Variants in ROBO1 observed in about 807,000 individuals in gnomAD.
ROBO1 encodes the protein roundabout homolog 1.
In ROBO1, 149 loss-of-function variants were observed where a neutral mutation model predicts 195.9. That is an observed-to-expected ratio of 0.76 (90% CI 0.67 to 0.87). ROBO1 has a LOEUF of 0.87. ROBO1 is among the 40% of genes least tolerant of loss of function. ROBO1 has a pLI of 0.00. For missense variants in ROBO1, 1,933 were observed against 2,068.3 expected, an observed-to-expected ratio of 0.93 and a Z score of 1.27; for synonymous variants, 816 against 733.2, an observed-to-expected ratio of 1.11 and a Z score of -1.82.
chr3:79,025,002 T>C (rs1298851871), intron 3 of ROBO1, among the ~76,000 whole-genome samples: 1 of 152,012 alleles, frequency 6.6e-6, no homozygotes, highest in Non-Finnish European at 1.5e-5. Context: ...TTACTTTAAG[T>C]GAGATCCCAT....
chr3:79,692,060 G>C (rs9859976), intron 1 of ROBO1, among the ~76,000 whole-genome samples: 1 of 151,650 alleles, frequency 6.6e-6, no homozygotes, highest in African/African-American at 2.4e-5. Context: ...TGGTAGACAG[G>C]ACTATAAAGC....
chr3:79,518,180 A>G (rs1941035155), intron 2 of ROBO1, among the ~76,000 whole-genome samples: 2 of 152,214 alleles, frequency 1.3e-5, no homozygotes, highest in South Asian at 4.1e-4. Context: ...CTACAAAAGT[A>G]TGCTAATTTT....
chr3:78,609,346 T>C (rs1348567155), intron 28 of ROBO1, among the ~76,000 whole-genome samples: 2 of 152,168 alleles, frequency 1.3e-5, no homozygotes, highest in African/African-American at 4.8e-5. Context: ...ATTCCTGAAG[T>C]TGTTTATAAA....
intron 5 of ROBO1, among the ~76,000 whole-genome samples, chr3:78,728,035 C>A (rs2082204958): frequency 6.6e-6 from 1 of 152,124 alleles, no homozygotes; most frequent in Non-Finnish European, 1.5e-5. Context: ...CAATAAACCT[C>A]AGCCAAATCA....
intron 3 of ROBO1, among the ~76,000 whole-genome samples, chr3:79,111,216 A>T (rs761928843): frequency 7.2e-5 from 11 of 152,184 alleles, no homozygotes; most frequent in Non-Finnish European, 1.5e-4. Flanking sequence ...TAATAGCCAT[A>T]GGGCTATTGT....
chr3:79,679,451 G>C (rs1946879480), intron 1 of ROBO1, among the ~76,000 whole-genome samples: 1 of 151,722 alleles, frequency 6.6e-6, no homozygotes, highest in Non-Finnish European at 1.5e-5. Context: ...AATATGTCAG[G>C]GAACAATTAC....
At chr3:79,715,932 A>C (rs2107262243) in intron 1 of ROBO1, among the ~76,000 whole-genome samples, 1 of 152,120 alleles carries the variant, frequency 6.6e-6, no homozygotes, top group South Asian at 2.1e-4. Context: ...AATGAAAATA[A>C]CTCTAAAATA....
chr3:79,072,424 C>T (rs935075093), intron 3 of ROBO1, among the ~76,000 whole-genome samples: 3 of 151,676 alleles, frequency 2.0e-5, no homozygotes, highest in African/African-American at 7.3e-5. Context: ...TGAAAAAAAC[C>T]AAATAATATA....
intron 2 of ROBO1, among the ~76,000 whole-genome samples, chr3:79,273,674 C>G (rs2030772479): frequency 6.6e-6 from 1 of 151,014 alleles, no homozygotes; most frequent in Non-Finnish European, 1.5e-5. Context: ...TCAATAATAA[C>G]ATTGAATGTA....
chr3:79,653,790 C>T (rs1046657570), intron 1 of ROBO1, among the ~76,000 whole-genome samples: 4 of 151,784 alleles, frequency 2.6e-5, no homozygotes, highest in Admixed American at 1.3e-4. Flanking sequence ...CTAATGTTGA[C>T]GCAAATGAAA....
chr3:79,574,979 A>G (rs935610293), intron 2 of ROBO1, among the ~76,000 whole-genome samples: 13 of 150,804 alleles, frequency 8.6e-5, no homozygotes, highest in African/African-American at 3.1e-4. Flanking sequence ...CTCTTGGCCA[A>G]TTCTAGTAAA....
intron 4 of ROBO1, among the ~76,000 whole-genome samples, chr3:78,780,793 C>G (rs1184859864): frequency 6.6e-6 from 1 of 152,128 alleles, no homozygotes; most frequent in African/African-American, 2.4e-5. Context: ...CCTCCCTTAT[C>G]TCCAGCTGTT....
At chr3:79,678,690 T>C (rs1231817412) in intron 1 of ROBO1, among the ~76,000 whole-genome samples, 1 of 152,100 alleles carries the variant, frequency 6.6e-6, no homozygotes, top group Non-Finnish European at 1.5e-5. Flanking sequence ...AGTAGTTTGA[T>C]AATGTTACAA....
chr3:78,878,597 A>AC (rs1405235796), intron 4 of ROBO1, among the ~76,000 whole-genome samples: 2 of 151,184 alleles, frequency 1.3e-5, no homozygotes, highest in Non-Finnish European at 3.0e-5. Flanking sequence ...AAAAAAAAAA[A>AC]AAAAAAAAAA....
intron 3 of ROBO1, among the ~76,000 whole-genome samples, chr3:79,108,159 T>C (rs750341716): frequency 3.3e-5 from 5 of 151,714 alleles, no homozygotes; most frequent in Non-Finnish European, 5.9e-5. Context: ...AAGTTACTGA[T>C]TTTGATCAAC....
At chr3:79,063,381 CTT>C in intron 3 of ROBO1, among the ~76,000 whole-genome samples, 1 of 151,816 alleles carries the variant, frequency 6.6e-6, no homozygotes, top group Non-Finnish European at 1.5e-5. Context: ...GTTGTTTCAT[CTT>C]AAAAAGACAA....
chr3:79,022,932 A>G (rs371598100), intron 3 of ROBO1, among the ~76,000 whole-genome samples: 2 of 152,258 alleles, frequency 1.3e-5, no homozygotes, highest in South Asian at 4.1e-4. Flanking sequence ...TCCAATGATT[A>G]TATCTTTCAT....
chr3:79,339,811 G>A (rs1296724765), intron 2 of ROBO1, among the ~76,000 whole-genome samples: 3 of 152,148 alleles, frequency 2.0e-5, no homozygotes, highest in African/African-American at 7.2e-5. Flanking sequence ...TTTGTTATTA[G>A]TGAATACATA....
intron 2 of ROBO1, among the ~76,000 whole-genome samples, chr3:79,417,164 T>A (rs552174193): frequency 5.9e-5 from 9 of 151,934 alleles, no homozygotes; most frequent in African/African-American, 1.9e-4. Context: ...GAGAAGGGGG[T>A]GGAAATGATG....
Sources: gnomAD v4.1 joint callset for allele counts (sites outside exome capture counted in the v4.1 genomes callset) on GRCh38, gnomAD v4.1.1 for gene constraint, MANE v1.5 for transcripts, NCBI Gene and HGNC (gene_info 2026-07-23, HGNC 2026-07-21) for gene names.